The following TNRC6B variants were observed in gnomAD, a reference collection of about 807,000 sequenced individuals.
TNRC6B encodes trinucleotide repeat-containing gene 6B protein.
TNRC6B carries 52 observed loss-of-function variants against 203.6 expected under a neutral mutation model. The observed-to-expected ratio is 0.26, with a 90% confidence interval of 0.20 to 0.32. The LOEUF (loss-of-function observed/expected upper bound fraction) is 0.32. Ranked by LOEUF, TNRC6B falls within the 10% of genes least tolerant of loss-of-function variation. The pLI is 1.00. For missense variants in TNRC6B, 1,923 were observed against 2,286.2 expected (o/e 0.84, Z 3.24); for synonymous variants, 838 against 845.7 (o/e 0.99, Z 0.16).
chr22:40,175,292 G>C (rs908228535), upstream of TNRC6B, among the ~76,000 whole-genome samples: 1 of 152,062 alleles, frequency 6.6e-6, no homozygotes, highest in East Asian at 1.9e-4. Context: ...AGGAGGTGGA[G>C]GTTCCTGTGA....
At chr22:40,213,291 A>G (rs2069589311) in intron 1 of TNRC6B, among the ~76,000 whole-genome samples, 1 of 152,204 alleles carries the variant, frequency 6.6e-6, no homozygotes, top group Admixed American at 6.5e-5. Flanking sequence ...GTGAAGGGAC[A>G]CAAAGCCTGC....
At chr22:40,271,287 A>G (rs904996580) in intron 6 of TNRC6B, among the ~76,000 whole-genome samples, 1 of 152,218 alleles carries the variant, frequency 6.6e-6, no homozygotes. Flanking sequence ...TTTCTACCAT[A>G]TAGAAGCAGA....
intron 3 of TNRC6B, among the ~76,000 whole-genome samples, chr22:40,133,633 G>C (rs2068571988): frequency 1.3e-5 from 2 of 152,096 alleles, no homozygotes; most frequent in South Asian, 4.1e-4. Flanking sequence ...ATGGGTGAGG[G>C]GGAGAAGGCT....
rs372278620 is a variant in TNRC6B, at chr22:40,062,874, T to A, written c.-121+17876T>A. 1.5e-4 allele frequency among the ~76,000 whole-genome samples: 23 copies of A among 152,314 alleles called. No homozygotes were observed. In the East Asian group the frequency reaches 3.3e-3, roughly 22 times the overall value. ...AGATATAAATCCCTTTTTAGACACG[T>A]TTTGTGAAATTTTCTCCTAATCTGC... On this transcript the variant is annotated intron_variant, in intron 1 of 23. Transcript: ENST00000301923.
At position 40,083,543 on chromosome 22, in the gene TNRC6B, TAC is replaced by T. The variant is rs76099611; in HGVS notation, c.-120-33510_-120-33509del. On this transcript the variant is annotated intron_variant, in intron 1 of 23. Coordinates refer to the TNRC6B transcript ENST00000301923. ...AAATGGAGTATTAGCTGAAGAGTGA[TAC>T]AGAGTCAAAGAATAATTTTTGTTTA... Among the ~76,000 whole-genome samples, 57 of 152,290 alleles carry T rather than the reference TAC, an allele frequency of 3.7e-4. No homozygotes were observed. The East Asian group carries it at 9.3e-3, about 25-fold the overall frequency.
chr22:40,275,224 ATTCAGCAAACTT>A (rs1934685457), intron 7 of TNRC6B, among the ~76,000 whole-genome samples: 1 of 152,260 alleles, frequency 6.6e-6, no homozygotes, highest in Non-Finnish European at 1.5e-5. Context: ...AGAAGGAATT[ATTCAGCAAACTT>A]TTCAGCATTC....
chr22:40,150,145 A>G (rs1026287374), intron 3 of TNRC6B, among the ~76,000 whole-genome samples: 1 of 152,158 alleles, frequency 6.6e-6, no homozygotes, highest in Admixed American at 6.5e-5. Context: ...TGGGAGGCCA[A>G]GGCGGGCAGA....
chr22:40,196,599 T>C (rs1453804120), intron 1 of TNRC6B, among the ~76,000 whole-genome samples: 1 of 152,076 alleles, frequency 6.6e-6, no homozygotes, highest in Non-Finnish European at 1.5e-5. Context: ...GAGGCAGGGA[T>C]GAGTTGGTTG....
intron 1 of TNRC6B, among the ~76,000 whole-genome samples, chr22:40,225,068 C>G (rs960621641): frequency 3.3e-5 from 5 of 152,174 alleles, no homozygotes; most frequent in Admixed American, 1.3e-4. Flanking sequence ...ACTTAGATGC[C>G]AGATAATTTG....
intron 12 of TNRC6B, among the ~76,000 whole-genome samples, chr22:40,289,921 C>G (rs2070847061): frequency 1.3e-5 from 2 of 152,230 alleles, no homozygotes; most frequent in African/African-American, 4.8e-5. Context: ...TATAGGAGTT[C>G]AGGCCAAAAA....
At chr22:40,090,941 A>G (rs2068145296) in intron 1 of TNRC6B, among the ~76,000 whole-genome samples, 1 of 151,998 alleles carries the variant, frequency 6.6e-6, no homozygotes, top group Non-Finnish European at 1.5e-5. Flanking sequence ...ACAAGAGAAG[A>G]CTCTCTTCAT....
At chr22:40,107,589 GA>G (rs2068297350) in intron 1 of TNRC6B, among the ~76,000 whole-genome samples, 1 of 152,052 alleles carries the variant, frequency 6.6e-6, no homozygotes, top group South Asian at 2.1e-4. Flanking sequence ...AGACCAAAAA[GA>G]AGCTTCTGTT....
intron 1 of TNRC6B, among the ~76,000 whole-genome samples, chr22:40,046,388 A>T (rs955906960): frequency 1.3e-5 from 2 of 152,232 alleles, no homozygotes; most frequent in African/African-American, 2.4e-5. Context: ...ACTCACCAAT[A>T]TCCAGAATAC....
At chr22:40,227,554 T>G (rs1384252263) in intron 1 of TNRC6B, among the ~76,000 whole-genome samples, 2 of 151,922 alleles carry the variant, frequency 1.3e-5, no homozygotes, top group Non-Finnish European at 2.9e-5. Flanking sequence ...TTTCACCATG[T>G]TGGCCAGGCT....
At chr22:40,090,078 C>T (rs1047158609) in intron 1 of TNRC6B, among the ~76,000 whole-genome samples, 2 of 152,138 alleles carry the variant, frequency 1.3e-5, no homozygotes, top group African/African-American at 2.4e-5. Flanking sequence ...TATCCATTCA[C>T]CTATTGAAGG....
At chr22:40,313,132 G>A in intron 19 of TNRC6B, 135 bp downstream of exon 19, 1 of 674,816 alleles carries the variant, frequency 1.5e-6, no homozygotes, top group Non-Finnish European at 2.5e-6. Context: ...ATAGATGGAA[G>A]CACATCTTTT....
intron 1 of TNRC6B, among the ~76,000 whole-genome samples, chr22:40,241,936 C>T (rs947149290): frequency 5.3e-5 from 8 of 152,186 alleles, no homozygotes; most frequent in Admixed American, 6.5e-5. Flanking sequence ...TTCAAACTGT[C>T]GTCTGTGGTC....
At chr22:40,289,081 C>G (rs914067225) in intron 12 of TNRC6B, among the ~76,000 whole-genome samples, 1 of 152,134 alleles carries the variant, frequency 6.6e-6, no homozygotes, top group African/African-American at 2.4e-5. Flanking sequence ...TCCCAAAGTG[C>G]TGGGATTACA....
intron 1 of TNRC6B, among the ~76,000 whole-genome samples, chr22:40,220,699 C>T (rs62237977): frequency 0.1 from 15,960 of 152,130 alleles, 964 homozygotes; most frequent in South Asian, 0.15. Context: ...AAAAGATGCA[C>T]GTAAAACAGT....
Sources: allele counts gnomAD v4.1 joint callset (sites outside exome capture counted in the v4.1 genomes callset), GRCh38; gene constraint gnomAD v4.1.1; transcripts MANE v1.5; gene names NCBI Gene and HGNC (gene_info 2026-07-23, HGNC 2026-07-21).